NFIB: variants seen among roughly 807,000 people sequenced by gnomAD.
The protein encoded by NFIB is nuclear factor 1 B-type.
In NFIB, 11 loss-of-function variants were observed where a neutral mutation model predicts 61.5. The observed-to-expected ratio is 0.18, with a 90% CI of 0.11 to 0.30. The LOEUF (loss-of-function observed/expected upper bound fraction) is 0.30, where lower values mean the gene tolerates loss of function less well. Ranked by LOEUF, NFIB falls within the 10% of genes least tolerant of loss-of-function variation. The probability of loss-of-function intolerance (pLI) is 1.00; values close to 1 mark genes in which losing one functional copy is unlikely to be tolerated. For missense variants in NFIB, 471 were observed against 608.9 expected (o/e 0.77, Z 2.38); for synonymous variants, 260 against 216.5 (o/e 1.20, Z -1.76).
chr9:14,227,810 G>A (rs1194490625), intron 2 of NFIB, among the ~76,000 whole-genome samples: 1 of 152,178 alleles, frequency 6.6e-6, no homozygotes, highest in Non-Finnish European at 1.5e-5. Context: ...ACGTGCCCAA[G>A]TTAATATTGC....
intron 1 of NFIB, among the ~76,000 whole-genome samples, chr9:14,331,708 CG>C (rs2060822545): frequency 6.6e-6 from 1 of 152,190 alleles, no homozygotes; most frequent in South Asian, 2.1e-4. Flanking sequence ...GACTTAGCCA[CG>C]CAAAGGCTAT....
At chr9:14,182,708 CTGTGTGTGTGTGTGTGTGTGTGTG>C (rs59897559) in intron 2 of NFIB, among the ~76,000 whole-genome samples, 1 of 96,998 alleles carries the variant, frequency 1.0e-5, no homozygotes, top group South Asian at 3.5e-4. Flanking sequence ...CTCTCTCTCT[CTGTGTGTGTGTGTGTGTGTGTGTG>C]TGTGTGTGTG....
At chr9:14,354,773 G>T (rs190523077) in intron 1 of NFIB, among the ~76,000 whole-genome samples, 91 of 141,556 alleles carry the variant, frequency 6.4e-4, no homozygotes, top group South Asian at 2.0e-3. Context: ...TCTATGTAAT[G>T]GGTACTCTGT....
chr9:14,515,468 G>A, the NFIB span, among the ~76,000 whole-genome samples: 1 of 152,126 alleles, frequency 6.6e-6, no homozygotes, highest in Admixed American at 6.5e-5. Flanking sequence ...GGTAGGCAAG[G>A]TGGATTTCAA....
intron 2 of NFIB, among the ~76,000 whole-genome samples, chr9:14,227,893 G>A (rs933579819): frequency 6.6e-5 from 10 of 152,096 alleles, no homozygotes; most frequent in African/African-American, 2.4e-4. Flanking sequence ...TCAGTATTTT[G>A]AAGTAATTCA....
chr9:14,209,042 A>G (rs73413883), intron 2 of NFIB, among the ~76,000 whole-genome samples: 14,531 of 152,226 alleles, frequency 0.095, 2,315 homozygotes, highest in African/African-American at 0.33. Context: ...TTTTTCCACT[A>G]TCACTTTCTT....
chr9:14,453,475 T>C, the NFIB span, among the ~76,000 whole-genome samples: 152 of 152,358 alleles, frequency 1.0e-3, 1 homozygote, highest in African/African-American at 3.2e-3. Flanking sequence ...GATGCTTGAA[T>C]GAAGCCAACT....
chr9:14,506,341 A>G, the NFIB span, among the ~76,000 whole-genome samples: 2 of 152,144 alleles, frequency 1.3e-5, no homozygotes, highest in African/African-American at 2.4e-5. Flanking sequence ...TGCACCAAAC[A>G]TGCTAGGTGC....
chr9:14,262,573 GA>G (rs2056855293), intron 2 of NFIB, among the ~76,000 whole-genome samples: 1 of 152,044 alleles, frequency 6.6e-6, no homozygotes, highest in African/African-American at 2.4e-5. Flanking sequence ...CTGAAGGCTA[GA>G]AAAAAGGGTT....
At chr9:14,213,006 A>G (rs1475704972) in intron 2 of NFIB, among the ~76,000 whole-genome samples, 1 of 152,256 alleles carries the variant, frequency 6.6e-6, no homozygotes, top group Non-Finnish European at 1.5e-5. Context: ...CACAATATGC[A>G]TCACATATAA....
At chr9:14,121,457 C>G (rs953708203) in intron 7 of NFIB, among the ~76,000 whole-genome samples, 7 of 152,302 alleles carry the variant, frequency 4.6e-5, no homozygotes, top group Admixed American at 4.6e-4. Flanking sequence ...TACATCCTAC[C>G]TGGCAATTGT....
the NFIB span, among the ~76,000 whole-genome samples, chr9:14,462,054 C>T: frequency 0.33 from 49,905 of 152,024 alleles, 8,943 homozygotes; most frequent in African/African-American, 0.46. Context: ...TGTCCTAACA[C>T]CTTTTCTTAA....
chr9:14,515,074 C>A, the NFIB span, among the ~76,000 whole-genome samples: 1 of 152,112 alleles, frequency 6.6e-6, no homozygotes, highest in African/African-American at 2.4e-5. Context: ...GACAGATACA[C>A]TTTATTGCAC....
the NFIB span, among the ~76,000 whole-genome samples, chr9:14,415,823 C>T: frequency 1.3e-5 from 2 of 152,024 alleles, no homozygotes; most frequent in East Asian, 1.9e-4. Flanking sequence ...AAGGAGACAC[C>T]CCCGTATGGT....
Position 14,363,569 on chromosome 9 carries a change from G to A in NFIB, c.108+34955C>T, listed in dbSNP as rs112265824. 4.6e-3 allele frequency among the ~76,000 whole-genome samples: 692 copies of A among 150,686 alleles called. 4 individuals are homozygous for A. Among genetic ancestry groups the A allele is most frequent in the African/African-American group, 0.014 (581 of 41,104 alleles). On this transcript the variant is annotated intron_variant, in intron 1 of 8. Transcript: ENST00000380934. ...GAAACATTTATTTTTTTCTGATTAC[G>A]AAAGCAATGGCATGTATATGTGTGT...
the NFIB span, among the ~76,000 whole-genome samples, chr9:14,508,665 T>C: frequency 6.6e-6 from 1 of 152,196 alleles, no homozygotes; most frequent in Non-Finnish European, 1.5e-5. Context: ...GAATGGGATG[T>C]GGTGCTTGGC....
intron 1 of NFIB, among the ~76,000 whole-genome samples, chr9:14,342,708 C>G (rs1192177482): frequency 1.3e-5 from 2 of 152,136 alleles, no homozygotes; most frequent in Non-Finnish European, 2.9e-5. Context: ...CCATGTGTGT[C>G]TGATTTTAAA....
chr9:14,445,135 A>G, the NFIB span, among the ~76,000 whole-genome samples: 1 of 152,148 alleles, frequency 6.6e-6, no homozygotes, highest in Non-Finnish European at 1.5e-5. Context: ...TGTTGCTGGT[A>G]TATAGGAATG....
In NFIB at chr9:14,266,396, G is replaced by A. The variant is rs371419199; in HGVS notation, c.562+40593C>T. Among the ~76,000 whole-genome samples, 4 of 151,892 alleles carry A rather than the reference G, an allele frequency of 2.6e-5. No homozygotes were observed. The East Asian group carries it at 7.7e-4, about 29-fold the overall frequency. On this transcript the variant is annotated intron_variant, in intron 2 of 10. Coordinates refer to ENST00000380953, the MANE Select transcript of NFIB (RefSeq NM_001190737.2). ...GCTTGAGTCCAGGAGCTCAAGACCA[G>A]CCTGTGCAACATAGTGAGACCCCCA...
Sources: gnomAD v4.1 joint callset for allele counts (sites outside exome capture counted in the v4.1 genomes callset) on GRCh38, gnomAD v4.1.1 for gene constraint, MANE v1.5 for transcripts, NCBI Gene and HGNC (gene_info 2026-07-23, HGNC 2026-07-21) for gene names.